Variants in TTI2 observed in about 807,000 individuals in gnomAD.
The protein encoded by TTI2 is TELO2 interacting protein 2.
In TTI2, 26 loss-of-function variants were observed where a neutral mutation model predicts 44.9. The ratio of observed to expected loss-of-function variants is 0.58; its 90% CI spans 0.42 to 0.80. The LOEUF (loss-of-function observed/expected upper bound fraction) is 0.80, where lower values mean the gene tolerates loss of function less well. Among genes scored for constraint, TTI2 ranks in the 30% least tolerant of loss-of-function variants. The probability of loss-of-function intolerance (pLI) is 0.00; values close to 1 mark genes in which losing one functional copy is unlikely to be tolerated. For synonymous variants in TTI2, 254 were observed against 250.9 expected, an observed-to-expected ratio of 1.01 and a Z score of -0.12; for missense variants, 582 against 611.6, an observed-to-expected ratio of 0.95 and a Z score of 0.51.
rs1289457524 is a variant in TTI2 at position 33,512,253 on chromosome 8, G to A, written c.361C>T (p.Leu121Phe). Reference sequence around the variant, plus strand: ...GTCTCAACTTTCCCTAACAGTTTAAGAAACAGTAACCCAACTTGGGCTGCT... The same window carrying A: ...GTCTCAACTTTCCCTAACAGTTTAAAAAACAGTAACCCAACTTGGGCTGCT... ...EKAAQVGLLF[L>F]KLLGKVETAK... Residue 121 changes from leucine (L) to phenylalanine (F), a missense_variant, in exon 2 of 8, where the codon CTT becomes TTT. Leu to Phe is a conservative substitution (Grantham distance 22). Transcript: ENST00000431156. 3.1e-6 allele frequency: 5 copies of A among 1,614,058 alleles called. No individual in the cohort carries two copies. Among genetic ancestry groups the A allele is most frequent in the Non-Finnish European group, 4.2e-6 (5 of 1,180,038 alleles).
intron 4 of TTI2, among the ~76,000 whole-genome samples, chr8:33,506,374 C>T (rs35467781): frequency 0.022 from 3,302 of 149,950 alleles, 61 homozygotes; most frequent in East Asian, 0.078. Flanking sequence ...ATAAAGCTGC[C>T]TCCAAAGTAA....
intron 6 of TTI2, among the ~76,000 whole-genome samples, chr8:33,501,939 TTTA>T (rs1809094746): frequency 6.6e-6 from 1 of 152,114 alleles, no homozygotes; most frequent in Admixed American, 6.6e-5. Context: ...TTTTTAAATT[TTTA>T]TTATTTTTTT....
Position 33,512,070 on chromosome 8 carries a change from C to G in TTI2, c.544G>C (p.Val182Leu), listed in dbSNP as rs753668783. The G allele has an allele frequency of 1.9e-6, 3 of 1,614,130 alleles. No individual in the cohort carries two copies. The highest frequency in any genetic ancestry group is 8.5e-7 in the Non-Finnish European group (1 of 1,180,012). The change falls in exon 2 of 8, where the codon GTT becomes CTT. Residue 182 changes from valine to leucine, a missense_variant. By Grantham distance (32) the Val-to-Leu change is conservative. Coordinates refer to ENST00000431156, the MANE Select transcript of TTI2 (RefSeq NM_001102401.4). ...AREVLTSLLQ[V>L]TECGSVAGFL... is the part of the protein sequence containing the mutation. ...CCTGCCACAGAACCGCATTCAGTAA[C>G]TTGAAGCAGTGAGGTGAGCACCTCC...
intron 4 of TTI2, among the ~76,000 whole-genome samples, chr8:33,504,630 T>C (rs930475178): frequency 1.3e-5 from 2 of 151,774 alleles, no homozygotes; most frequent in Non-Finnish European, 2.9e-5. Flanking sequence ...ACATATAAAA[T>C]ACACTAACAC....
At chr8:33,500,162 A>G in intron 7 of TTI2, 166 bp downstream of exon 7, 1 of 710,186 alleles carries the variant, frequency 1.4e-6, no homozygotes, top group East Asian at 2.8e-5. Context: ...ATGAATAAGA[A>G]AAAAGATCAA....
At chr8:33,508,087 TAAAAA>T (rs58891946) in intron 3 of TTI2, among the ~76,000 whole-genome samples, 18 of 19,510 alleles carry the variant, frequency 9.2e-4, no homozygotes, top group Non-Finnish European at 1.3e-3. Context: ...CTAGCGGTAG[TAAAAA>T]AAAAAAAAAA....
At chr8:33,502,502 G>A (rs1170492331) in intron 6 of TTI2, among the ~76,000 whole-genome samples, 1 of 151,590 alleles carries the variant, frequency 6.6e-6, no homozygotes, top group Non-Finnish European at 1.5e-5. Context: ...CCTAGATGGA[G>A]ATTCTGCAAA....
At position 33,512,339 on chromosome 8, in the gene TTI2, T is replaced by A; in HGVS notation, c.275A>T (p.Tyr92Phe). ...LGQVAKALEK[Y>F]AAPSKEEEGG... ...TTCCTCCTCCTTGGAGGGGGCTGCATACTTCTCCAGGGCTTTTGCTACCTG... is the reference window on the plus strand; with the variant it reads ...TTCCTCCTCCTTGGAGGGGGCTGCAAACTTCTCCAGGGCTTTTGCTACCTG... The change falls in exon 2 of 8, where the codon TAT becomes TTT. Residue 92 changes from tyrosine to phenylalanine, a missense_variant. Tyr to Phe is a conservative substitution (Grantham distance 22, BLOSUM62 3). Transcript: ENST00000431156. The A allele has an allele frequency of 6.2e-7, 1 of 1,614,212 alleles. No individual in the cohort carries two copies. The highest frequency in any genetic ancestry group is 8.5e-7 in the Non-Finnish European group (1 of 1,180,042).
In TTI2 at chr8:33,503,563, G is replaced by A. The variant is rs985999682; in HGVS notation, c.1125C>T (p.Ile375=). 1.2e-6 allele frequency: 2 copies of A among 1,613,880 alleles called. No homozygotes were observed. Among genetic ancestry groups the A allele is most frequent in the Admixed American group, 3.3e-5 (2 of 59,974 alleles). ...GCCTCTTTAAGTGCCGGACAGTTAG[G>A]ATCCCCAACCTAAAGATGAAAGAGA... ...NLPAFVNRLG[I]LTVRHLKRLE... The change falls in exon 6 of 8, where the codon ATC becomes ATT. Residue 375 remains isoleucine (I), a synonymous_variant. Coordinates refer to ENST00000431156, the MANE Select transcript of TTI2 (RefSeq NM_001102401.4).
chr8:33,509,463 AAAAAAAAAAAAAAG>A lies in TTI2; in HGVS notation c.834+269_834+282del, dbSNP rs1376689567. On this transcript the variant is annotated intron_variant, in intron 3 of 7. Transcript: ENST00000431156. ...AGAGTGAGACTCCCTCTCAAAAAAAAAAAAAAAAAAAAAGAAAGAAAGAAAATCAACTGTTGACC... is the reference window on the plus strand; with the variant it reads ...AGAGTGAGACTCCCTCTCAAAAAAAAAAAGAAAGAAAATCAACTGTTGACC... Among the ~76,000 whole-genome samples, 488 of 145,422 alleles carry A rather than the reference AAAAAAAAAAAAAAG, an allele frequency of 3.4e-3. 4 individuals are homozygous for A. Among genetic ancestry groups the A allele is most frequent in the African/African-American group, 0.012 (462 of 38,814 alleles).
chr8:33,500,382 C>CT lies in TTI2; in HGVS notation c.1367dup (p.Glu457GlyfsTer29). The stretch of plus-strand genomic sequence containing the variant: ...GGAGAATCAGGCAGTCTGTGGCCTC[C>CT]TGTAGCAGGGCGCTCTTAACAGACT... On this transcript the variant is annotated frameshift_variant, in exon 7 of 8. Coordinates refer to ENST00000431156, the MANE Select transcript of TTI2 (RefSeq NM_001102401.4). LOFTEE classifies it high-confidence loss of function. The CT allele has an allele frequency of 6.2e-7, 1 of 1,614,170 alleles. No individual in the cohort carries two copies. The highest frequency in any genetic ancestry group is 8.5e-7 in the Non-Finnish European group (1 of 1,180,016).
intron 4 of TTI2, among the ~76,000 whole-genome samples, chr8:33,504,606 A>C (rs1263173954): frequency 1.3e-5 from 2 of 152,064 alleles, no homozygotes; most frequent in Non-Finnish European, 2.9e-5. Context: ...GTGGAAGAAG[A>C]ATTGTCTTGG....
rs368932256 is a variant in TTI2 at position 33,512,471 on chromosome 8, T to C, written c.143A>G (p.Lys48Arg). ...ACCGAGGTCTTTAAGAACTGCATCT[T>C]TTACATTGCCTCGTCGTGCCTCCGG... The part of the protein sequence containing the change: ...ARPEARRGNV[K>R]DAVLKDLGDL... Residue 48 changes from lysine to arginine, a missense_variant, in exon 2 of 8, where the codon AAA becomes AGA. By Grantham distance (26) the Lys-to-Arg change is conservative. Transcript: ENST00000431156. 168 of 1,613,956 alleles carry C rather than the reference T, an allele frequency of 1.0e-4. No individual in the cohort carries two copies. Among genetic ancestry groups the C allele is most frequent in the Non-Finnish European group, 1.4e-4 (160 of 1,179,974 alleles).
Position 33,499,177 on chromosome 8 carries a change from G to A in TTI2, c.1523C>T (p.Thr508Ile). Reference protein sequence around the residue: ...QVSEGAPYNGT With the variant: ...QVSEGAPYNGI ...CTTGGGAAAGTAATACAAGTCTTAA[G>A]TTCCATTGTAGGGTGCGCCTTCAGA... Residue 508 changes from threonine to isoleucine, a missense_variant, in exon 8 of 8, where the codon ACT becomes ATT. Thr to Ile is a moderately conservative substitution (Grantham distance 89, BLOSUM62 -1). Coordinates refer to ENST00000431156, the MANE Select transcript of TTI2 (RefSeq NM_001102401.4). 1.2e-6 allele frequency: 2 copies of A among 1,611,682 alleles called. No individual in the cohort carries two copies. The highest frequency in any genetic ancestry group is 1.1e-5 in the South Asian group (1 of 91,036).
intron 2 of TTI2, among the ~76,000 whole-genome samples, chr8:33,511,451 A>T (rs957610099): frequency 1.3e-5 from 2 of 151,812 alleles, no homozygotes; most frequent in African/African-American, 4.9e-5. Flanking sequence ...CGAACATCTC[A>T]GTTATGACCT....
chr8:33,510,670 C>T (rs1809494236), intron 2 of TTI2, among the ~76,000 whole-genome samples: 1 of 152,162 alleles, frequency 6.6e-6, no homozygotes, highest in African/African-American at 2.4e-5. Flanking sequence ...AGCCACCACA[C>T]TCCGCCAAGT....
chr8:33,504,289 ATTTTTTTTTTT>A (rs1169577360), intron 4 of TTI2, among the ~76,000 whole-genome samples: 2 of 72,978 alleles, frequency 2.7e-5, no homozygotes, highest in African/African-American at 5.7e-5. Flanking sequence ...ATATTTACAC[ATTTTTTTTTTT>A]TTTTTTTTTT....
intron 4 of TTI2, 58 bp from the exon 5 acceptor site, chr8:33,503,993 C>T: frequency 6.4e-7 from 1 of 1,562,388 alleles, no homozygotes; most frequent in Non-Finnish European, 8.8e-7. Flanking sequence ...TTACAATACT[C>T]ACTGACTTCT....
Position 33,500,486 on chromosome 8 carries a change from A to C in TTI2, c.1264T>G (p.Ser422Ala). The change falls in exon 7 of 8, where the codon TCC becomes GCC. Residue 422 changes from serine (S) to alanine (A), a missense_variant. Ser to Ala is a moderately conservative substitution (Grantham distance 99, BLOSUM62 1). Coordinates refer to ENST00000431156, the MANE Select transcript of TTI2 (RefSeq NM_001102401.4). ...TTCAGTAAGACCACAAGTCTGCAGG[A>C]AACTCTGGAATCAGGAAGAAAAGCT... ...LLMQHTWPRV[S>A]CRLVVLLKAL... The C allele has an allele frequency of 6.2e-7, 1 of 1,614,068 alleles. No homozygotes were observed. Among genetic ancestry groups the C allele is most frequent in the Non-Finnish European group, 8.5e-7 (1 of 1,179,988 alleles).
Sources: gnomAD v4.1 joint callset for allele counts (sites outside exome capture counted in the v4.1 genomes callset) on GRCh38, gnomAD v4.1.1 for gene constraint, MANE v1.5 for transcripts, NCBI Gene and HGNC (gene_info 2026-07-23, HGNC 2026-07-21) for gene names.